The following CADPS variants were observed in gnomAD, a reference collection of about 807,000 sequenced individuals.
The protein encoded by CADPS is calcium dependent secretion activator.
Under a neutral mutation model 167.3 loss-of-function variants are expected in CADPS, and 57 were observed. That is an observed-to-expected ratio of 0.34 (90% CI 0.28 to 0.42). The LOEUF (loss-of-function observed/expected upper bound fraction) is 0.42. CADPS is among the 20% of genes least tolerant of loss of function. The pLI is 1.00. For missense variants in CADPS, 1,414 were observed against 1,738.1 expected, an observed-to-expected ratio of 0.81 and a Z score of 3.32; for synonymous variants, 676 against 635.3, an observed-to-expected ratio of 1.06 and a Z score of -0.96.
At chr3:62,740,263 G>T (rs986269445) in intron 3 of CADPS, among the ~76,000 whole-genome samples, 1 of 152,192 alleles carries the variant, frequency 6.6e-6, no homozygotes, top group Admixed American at 6.5e-5. Flanking sequence ...TCCCCAAAGT[G>T]CAATGGCAGC....
intron 26 of CADPS, among the ~76,000 whole-genome samples, chr3:62,454,636 A>G (rs2058470837): frequency 6.6e-6 from 1 of 152,192 alleles, no homozygotes; most frequent in Non-Finnish European, 1.5e-5. Context: ...CTGACCGCAA[A>G]TAAGACCTCA....
chr3:62,610,570 G>T (rs2061367795), intron 6 of CADPS, among the ~76,000 whole-genome samples: 1 of 152,132 alleles, frequency 6.6e-6, no homozygotes, highest in Non-Finnish European at 1.5e-5. Context: ...GTTGAGGAAG[G>T]CCATAACTAA....
At position 62,678,943 on chromosome 3, in the gene CADPS, C is replaced by G. The variant is rs114104484; in HGVS notation, c.889-16549G>C. ...GAGAAGAAAACAGCGAAAGGAGAGG[C>G]GAGGGACTGGTTAGAAAGAAAAAGA... On this transcript the variant is annotated intron_variant, in intron 3 of 29. Coordinates refer to ENST00000383710, the MANE Select transcript of CADPS (RefSeq NM_003716.4). Among the ~76,000 whole-genome samples, 236 of 152,074 alleles carry G rather than the reference C, an allele frequency of 1.6e-3. 1 individual carries two copies. Among genetic ancestry groups the G allele is most frequent in the Non-Finnish European group, 2.7e-3 (186 of 67,968 alleles).
At chr3:62,713,938 T>C (rs1439450359) in intron 3 of CADPS, among the ~76,000 whole-genome samples, 1 of 152,214 alleles carries the variant, frequency 6.6e-6, no homozygotes, top group Non-Finnish European at 1.5e-5. Flanking sequence ...CTGAACCTCA[T>C]ATGCAGCTTT....
At chr3:62,692,555 C>T (rs1449770355) in intron 3 of CADPS, among the ~76,000 whole-genome samples, 1 of 152,050 alleles carries the variant, frequency 6.6e-6, no homozygotes, top group Non-Finnish European at 1.5e-5. Context: ...TTTTGGAAAT[C>T]CATAAACCTA....
chr3:62,755,999 T>C (rs1184936101), intron 2 of CADPS, among the ~76,000 whole-genome samples: 6 of 152,054 alleles, frequency 3.9e-5, no homozygotes, highest in Admixed American at 6.6e-5. Context: ...TCTAACTTGC[T>C]GTGTGACCTT....
chr3:62,865,564 A>T (rs2081536317), intron 1 of CADPS, among the ~76,000 whole-genome samples: 1 of 152,180 alleles, frequency 6.6e-6, no homozygotes, highest in African/African-American at 2.4e-5. Context: ...GGCAGACAGC[A>T]GATGGGAACA....
At chr3:62,716,262 C>T (rs2084593851) in intron 3 of CADPS, among the ~76,000 whole-genome samples, 1 of 151,986 alleles carries the variant, frequency 6.6e-6, no homozygotes. Context: ...CCACGTTGGC[C>T]AGGTTGGTCT....
chr3:62,706,597 G>A (rs1442841255), intron 3 of CADPS, among the ~76,000 whole-genome samples: 1 of 152,126 alleles, frequency 6.6e-6, no homozygotes, highest in Admixed American at 6.5e-5. Flanking sequence ...ACAAGGGAGA[G>A]TCTGTTCTGG....
At chr3:62,553,718 A>C (rs988649953) in intron 10 of CADPS, among the ~76,000 whole-genome samples, 1 of 152,252 alleles carries the variant, frequency 6.6e-6, no homozygotes, top group Non-Finnish European at 1.5e-5. Flanking sequence ...GGACACACCA[A>C]GGAAAGCAAG....
chr3:62,579,331 A>T (rs2082930570), intron 8 of CADPS, among the ~76,000 whole-genome samples: 1 of 152,190 alleles, frequency 6.6e-6, no homozygotes, highest in Non-Finnish European at 1.5e-5. Context: ...TCACTTATTC[A>T]TCTAAACAAT....
chr3:62,498,781 T>C (rs2065222767), intron 18 of CADPS, among the ~76,000 whole-genome samples: 1 of 150,930 alleles, frequency 6.6e-6, no homozygotes, highest in African/African-American at 2.4e-5. Flanking sequence ...AGAAGGTCTG[T>C]GGTTCTCATA....
chr3:62,684,452 C>T (rs1302695039), intron 3 of CADPS, among the ~76,000 whole-genome samples: 2 of 152,002 alleles, frequency 1.3e-5, no homozygotes, highest in Non-Finnish European at 2.9e-5. Context: ...GGAGCCCTGG[C>T]TCTTTTTATG....
chr3:62,753,536 C>T lies in CADPS; in HGVS notation c.793G>A (p.Glu265Lys), dbSNP rs771185889. The T allele has an allele frequency of 3.7e-6, 6 of 1,613,972 alleles. No homozygotes were observed. Among genetic ancestry groups the T allele is most frequent in the East Asian group, 2.2e-5 (1 of 44,866 alleles). The change falls in exon 3 of 30, where the codon GAG becomes AAG. Residue 265 changes from glutamate to lysine, a missense_variant. Physicochemically the swap from Glu to Lys is moderately conservative, Grantham distance 56. Transcript: ENST00000383710. The surrounding 1 kb of genome is among the most constrained non-coding windows in gnomAD (Gnocchi z 4.6). ...QARMTASAASELILSKEQLYE... is the reference protein window; with the variant it reads ...QARMTASAASKLILSKEQLYE... ...AGTTGCTCCTTGCTCAGAATCAGCT[C>T]GGAGGCTGCGCTGGCTGTCATCCGG...
intron 28 of CADPS, among the ~76,000 whole-genome samples, chr3:62,428,200 C>T (rs6783654): frequency 1 from 151,637 of 152,240 alleles, 75,517 homozygotes; most frequent in East Asian, 1. Context: ...CTCTTCTGAA[C>T]TGGGAATTTG....
chr3:62,612,590 A>C (rs36088159), intron 6 of CADPS, among the ~76,000 whole-genome samples: 50,553 of 152,194 alleles, frequency 0.33, 9,253 homozygotes, highest in Middle Eastern at 0.51. Flanking sequence ...TAAGGGACTC[A>C]TTGCTGAAGT....
chr3:62,716,399 T>C (rs2084636431), intron 3 of CADPS, among the ~76,000 whole-genome samples: 1 of 152,220 alleles, frequency 6.6e-6, no homozygotes, highest in South Asian at 2.1e-4. Flanking sequence ...GAAAAGTTTC[T>C]GGAAAAATCT....
intron 26 of CADPS, among the ~76,000 whole-genome samples, chr3:62,449,770 AT>A (rs895022324): frequency 1.3e-5 from 2 of 151,156 alleles, no homozygotes; most frequent in African/African-American, 2.4e-5. Flanking sequence ...GTCTTTGTGT[AT>A]TTTTTTCCAT....
intron 11 of CADPS, among the ~76,000 whole-genome samples, chr3:62,547,143 C>T (rs1336642497): frequency 6.6e-6 from 1 of 152,100 alleles, no homozygotes; most frequent in African/African-American, 2.4e-5. Flanking sequence ...CTTAAACTAG[C>T]AATAGATAGA....
Sources: gnomAD v4.1 joint callset for allele counts (sites outside exome capture counted in the v4.1 genomes callset) on GRCh38, gnomAD v4.1.1 for gene constraint, Gnocchi (gnomAD v3.1) non-coding constraint, MANE v1.5 for transcripts, NCBI Gene and HGNC (gene_info 2026-07-23, HGNC 2026-07-21) for gene names.